The following FRYL variants were observed in gnomAD, a reference collection of about 807,000 sequenced individuals.
The protein encoded by FRYL is FRY like transcription coactivator.
FRYL carries 150 observed loss-of-function variants against 351.2 expected under a neutral mutation model. The ratio of observed to expected loss-of-function variants is 0.43; its 90% CI spans 0.37 to 0.49. FRYL has a LOEUF of 0.49. Among genes scored for constraint, FRYL ranks in the 20% least tolerant of loss-of-function variants. FRYL has a pLI of 0.00. For synonymous variants in FRYL, 1,153 were observed against 1,257.1 expected, an observed-to-expected ratio of 0.92 and a Z score of 1.75; for missense variants, 3,036 against 3,619.3, an observed-to-expected ratio of 0.84 and a Z score of 4.13.
chr4:48,696,116 T>C (rs1355885951), intron 2 of FRYL, among the ~76,000 whole-genome samples: 3 of 152,154 alleles, frequency 2.0e-5, no homozygotes, highest in Non-Finnish European at 4.4e-5. Flanking sequence ...GAAGACAGGG[T>C]GGCGATTCCT....
intron 1 of FRYL, among the ~76,000 whole-genome samples, chr4:48,731,956 C>T (rs1260381721): frequency 6.6e-6 from 1 of 152,136 alleles, no homozygotes; most frequent in African/African-American, 2.4e-5. Flanking sequence ...AGAGCTTCTG[C>T]ACAGCAAAAG....
chr4:48,566,519 T>G (rs781555924), intron 28 of FRYL, among the ~76,000 whole-genome samples: 1 of 152,208 alleles, frequency 6.6e-6, no homozygotes, highest in Non-Finnish European at 1.5e-5. Context: ...CAGTGTCATT[T>G]TCCTTTCAAA....
At chr4:48,725,252 G>C (rs1436527493) in intron 1 of FRYL, among the ~76,000 whole-genome samples, 2 of 152,170 alleles carry the variant, frequency 1.3e-5, no homozygotes, top group African/African-American at 4.8e-5. Context: ...ACTCCACTAA[G>C]GTGAGGCCCA....
chr4:48,626,577 T>C (rs1028648550), intron 4 of FRYL, among the ~76,000 whole-genome samples: 25 of 152,074 alleles, frequency 1.6e-4, no homozygotes, highest in Non-Finnish European at 3.4e-4. Flanking sequence ...CCTAACTTAC[T>C]ATATATATTC....
chr4:48,517,938 G>A (rs1724003856), intron 55 of FRYL, among the ~76,000 whole-genome samples: 2 of 152,214 alleles, frequency 1.3e-5, no homozygotes, highest in South Asian at 4.1e-4. Flanking sequence ...ATATCTTGGT[G>A]CTTTTCTACT....
In FRYL at chr4:48,602,015, C is replaced by T; in HGVS notation, c.1035+5G>A. On this transcript the variant is annotated splice_donor_5th_base_variant and intron_variant, in intron 13 of 63. Coordinates refer to ENST00000358350, the MANE Select transcript of FRYL (RefSeq NM_015030.2). ...TTACATATCAGAAGTGTGATTACAT[C>T]TTACCTTTAAATGTGACAAACAGTT... The T allele has an allele frequency of 1.3e-6, 2 of 1,486,022 alleles. No individual in the cohort carries two copies. Among genetic ancestry groups the T allele is most frequent in the Non-Finnish European group, 9.4e-7 (1 of 1,065,662 alleles). The allele number at this position is 1,486,022 out of a possible 1,614,324, so 92.1% of individuals were successfully genotyped here.
intron 1 of FRYL, among the ~76,000 whole-genome samples, chr4:48,744,139 G>A (rs934106536): frequency 1.3e-5 from 2 of 151,994 alleles, no homozygotes; most frequent in South Asian, 2.1e-4. Flanking sequence ...GAAATAGTAC[G>A]AATTAGTAGG....
At chr4:48,773,499 T>C (rs140595632) in intron 1 of FRYL, among the ~76,000 whole-genome samples, 4 of 152,304 alleles carry the variant, frequency 2.6e-5, no homozygotes, top group Admixed American at 6.5e-5. Context: ...CTAAATTGTT[T>C]ACTTGAAAAG....
intron 3 of FRYL, chr4:48,680,842 T>C: frequency 2.7e-6 from 1 of 373,248 alleles, no homozygotes; most frequent in Non-Finnish European, 4.1e-6. Flanking sequence ...AAAATATTCC[T>C]GCTCACTAGA....
rs1725251678 is a variant in FRYL, at chr4:48,523,094, A to G, written c.7328T>C (p.Met2443Thr). Residue 2443 changes from methionine to threonine, a missense_variant, in exon 54 of 64, where the codon ATG becomes ACG. This residue lies in a region of FRYL where 1,987 missense variants were observed against 2,311.7 expected (regional missense o/e 0.86). Transcript: ENST00000358350. The stretch of plus-strand genomic sequence containing the variant: ...GCGAACTCCCCAGTTGAAATTGTCC[A>G]TACTTTCACCCTGGAAAAGCAAGAC... ...VELEDAEGES[M>T]DNFNWGVRRR... 14 of 1,612,738 alleles carry G rather than the reference A, an allele frequency of 8.7e-6. No individual in the cohort carries two copies. Among genetic ancestry groups the G allele is most frequent in the Non-Finnish European group, 1.2e-5 (14 of 1,179,280 alleles).
intron 1 of FRYL, among the ~76,000 whole-genome samples, chr4:48,745,160 G>A (rs1772527297): frequency 6.6e-6 from 1 of 152,178 alleles, no homozygotes; most frequent in Non-Finnish European, 1.5e-5. Flanking sequence ...TGGTGGGACT[G>A]TAAACTAGCT....
chr4:48,552,368 G>A (rs1372065614), intron 36 of FRYL, among the ~76,000 whole-genome samples: 6 of 151,718 alleles, frequency 4.0e-5, no homozygotes, highest in South Asian at 2.1e-4. Flanking sequence ...ACCTACAGAC[G>A]TTGGCATCAC....
At chr4:48,635,658 T>C (rs761780085) in intron 3 of FRYL, among the ~76,000 whole-genome samples, 1 of 152,184 alleles carries the variant, frequency 6.6e-6, no homozygotes, top group Non-Finnish European at 1.5e-5. Context: ...GCTTCCTACA[T>C]ACAAGTTTTC....
At chr4:48,623,018 G>A (rs1254347429) in intron 5 of FRYL, 108 bp downstream of exon 5, 1 of 671,682 alleles carries the variant, frequency 1.5e-6, no homozygotes, top group African/African-American at 1.9e-5. Context: ...AAGCATACAA[G>A]GATATATAGA....
At chr4:48,538,884 C>G (rs1024325983) in intron 47 of FRYL, among the ~76,000 whole-genome samples, 3 of 151,896 alleles carry the variant, frequency 2.0e-5, no homozygotes, top group Admixed American at 6.6e-5. Flanking sequence ...CTTTTTTCCT[C>G]CAGACTCAAT....
intron 53 of FRYL, among the ~76,000 whole-genome samples, chr4:48,526,127 G>C (rs953196848): frequency 2.0e-5 from 3 of 152,148 alleles, no homozygotes; most frequent in African/African-American, 7.2e-5. Flanking sequence ...GAATGTGTAT[G>C]AGCTGTATAT....
At position 48,729,557 on chromosome 4, in the gene FRYL, A is replaced by G. The variant is rs370245712; in HGVS notation, c.-383-18859T>C. On this transcript the variant is annotated intron_variant, in intron 1 of 63. Coordinates refer to ENST00000358350, the MANE Select transcript of FRYL (RefSeq NM_015030.2). ...CTTCTAGAGGAAGGATCAGGCAGCA[A>G]TATTTGCTGTTCTACAGCCACCGCT... 5.6e-4 allele frequency among the ~76,000 whole-genome samples: 85 copies of G among 152,314 alleles called. 1 individual carries two copies. In the East Asian group the frequency reaches 0.01, roughly 18 times the overall value.
At chr4:48,653,113 A>G (rs1365664460) in intron 3 of FRYL, among the ~76,000 whole-genome samples, 2 of 152,238 alleles carry the variant, frequency 1.3e-5, no homozygotes, top group African/African-American at 4.8e-5. Flanking sequence ...TGTTAGGAAG[A>G]GAGTTACGGA....
chr4:48,519,735 G>GGT (rs1560527512), intron 55 of FRYL, among the ~76,000 whole-genome samples: 1 of 148,538 alleles, frequency 6.7e-6, no homozygotes, highest in Non-Finnish European at 1.5e-5. Context: ...TCTCTCTCTC[G>GGT]CTCTTTTTTT....
Sources: gnomAD v4.1 joint callset for allele counts (sites outside exome capture counted in the v4.1 genomes callset) on GRCh38, gnomAD v4.1.1 for gene constraint, gnomAD v4.1.1 regional missense constraint, MANE v1.5 for transcripts, NCBI Gene and HGNC (gene_info 2026-07-23, HGNC 2026-07-21) for gene names.